MAST4: variants seen among roughly 807,000 people sequenced by gnomAD.
The protein encoded by MAST4 is microtubule associated serine/threonine kinase family member 4.
A neutral mutation model predicts 162.7 loss-of-function variants in MAST4; 89 were observed. The observed-to-expected ratio is 0.55, with a 90% CI of 0.46 to 0.65. The LOEUF (loss-of-function observed/expected upper bound fraction) is 0.65, where lower values mean the gene tolerates loss of function less well. MAST4 is among the 30% of genes least tolerant of loss of function. The probability of loss-of-function intolerance (pLI) is 0.00; values close to 1 mark genes in which losing one functional copy is unlikely to be tolerated. For synonymous variants in MAST4, 1,479 were observed against 1,361.1 expected (o/e 1.09, Z -1.91); for missense variants, 3,153 against 3,374.0 (o/e 0.93, Z 1.62).
At chr5:66,826,915 C>CT (rs1337335149) in intron 3 of MAST4, among the ~76,000 whole-genome samples, 2 of 152,206 alleles carry the variant, frequency 1.3e-5, no homozygotes, top group Non-Finnish European at 2.9e-5. Context: ...ACTTTCTGTG[C>CT]TCCTCTCTCA....
intron 3 of MAST4, among the ~76,000 whole-genome samples, chr5:66,794,499 G>A (rs1281971493): frequency 6.6e-6 from 1 of 152,202 alleles, no homozygotes; most frequent in Non-Finnish European, 1.5e-5. Flanking sequence ...AGATTGTGAG[G>A]TAGCTTTAGG....
At chr5:66,880,961 A>C (rs1263475781) in intron 3 of MAST4, among the ~76,000 whole-genome samples, 2 of 152,182 alleles carry the variant, frequency 1.3e-5, no homozygotes, top group Non-Finnish European at 2.9e-5. Context: ...TCCCTCCCAT[A>C]GATCTTGAAC....
chr5:67,039,018 ATATGT>A (rs766554601), intron 4 of MAST4, among the ~76,000 whole-genome samples: 49 of 152,326 alleles, frequency 3.2e-4, no homozygotes, highest in East Asian at 2.3e-3. Context: ...TTGAATGGAA[ATATGT>A]TATGACCACA....
chr5:67,071,504 G>A (rs928716038), intron 5 of MAST4, among the ~76,000 whole-genome samples: 11 of 151,964 alleles, frequency 7.2e-5, no homozygotes, highest in Non-Finnish European at 1.3e-4. Context: ...TGTAATCCCA[G>A]CACTTTGGAA....
chr5:66,683,666 C>T (rs1324314076), intron 1 of MAST4, among the ~76,000 whole-genome samples: 1 of 152,184 alleles, frequency 6.6e-6, no homozygotes, highest in African/African-American at 2.4e-5. Context: ...CGGATACATA[C>T]AGATGACCTG....
intron 11 of MAST4, among the ~76,000 whole-genome samples, chr5:67,112,217 A>G (rs948179238): frequency 6.6e-6 from 1 of 152,230 alleles, no homozygotes; most frequent in Admixed American, 6.5e-5. Flanking sequence ...AATTGTTTAC[A>G]ACACATAAAT....
intron 1 of MAST4, among the ~76,000 whole-genome samples, chr5:66,648,620 C>T (rs1163890687): frequency 2.0e-5 from 3 of 152,078 alleles, no homozygotes; most frequent in Non-Finnish European, 4.4e-5. Context: ...TATTTCATTG[C>T]AGACTAACAA....
At chr5:66,653,454 G>A (rs939972276) in intron 1 of MAST4, among the ~76,000 whole-genome samples, 3 of 152,164 alleles carry the variant, frequency 2.0e-5, no homozygotes, top group Non-Finnish European at 2.9e-5. Context: ...GTGCCAGCAT[G>A]ACATTGCCTA....
chr5:66,767,215 G>GTA, intron 2 of MAST4, among the ~76,000 whole-genome samples: 1 of 144,558 alleles, frequency 6.9e-6, no homozygotes, highest in South Asian at 2.2e-4. Context: ...GTGTGTGTGT[G>GTA]TGGTGCTAGG....
chr5:66,751,941 A>C (rs1753202228), intron 1 of MAST4, among the ~76,000 whole-genome samples: 1 of 151,118 alleles, frequency 6.6e-6, no homozygotes, highest in South Asian at 2.1e-4. Context: ...CTAACAGCGG[A>C]TCTCTGGGCA....
At chr5:66,891,227 C>G (rs79260169) in intron 3 of MAST4, among the ~76,000 whole-genome samples, 1,827 of 152,204 alleles carry the variant, frequency 0.012, 38 homozygotes, top group African/African-American at 0.042. Flanking sequence ...CTGAATGGTA[C>G]CCTGTCCTGA....
Position 66,963,890 on chromosome 5 carries a change from C to T in MAST4, c.674+63908C>T, listed in dbSNP as rs73768755. On this transcript the variant is annotated intron_variant, in intron 4 of 28. Transcript: ENST00000403625. Reference sequence around the variant, plus strand: ...TTCAGACTCTGCAATCCACAATCCACAGGGTGAGGAAACTGGTTGAATTGT... The same window carrying T: ...TTCAGACTCTGCAATCCACAATCCATAGGGTGAGGAAACTGGTTGAATTGT... 0.011 allele frequency: 8,308 copies of T among 767,314 alleles called. 427 individuals are homozygous for T. In the African/African-American group the frequency reaches 0.12, roughly 11 times the overall value. 47.5% of individuals were successfully genotyped at this position (767,314 alleles called of 1,614,324 possible). A position where few individuals can be genotyped will look rare whatever the true frequency, so the allele number is the denominator to read the frequency against.
chr5:67,139,744 C>A (rs1770131818), intron 19 of MAST4, among the ~76,000 whole-genome samples: 1 of 152,260 alleles, frequency 6.6e-6, no homozygotes, highest in East Asian at 1.9e-4. Flanking sequence ...ATTTTTAGCT[C>A]ACGATGCTAT....
rs189858966 is a variant in MAST4, at chr5:67,057,058, A to G, written c.763+2566A>G. ...AACATGTTGTTGTTCTCTCAGAGGC[A>G]GTGGAAGCCTGTCAGACTTTCTGTG... On this transcript the variant is annotated intron_variant, in intron 5 of 28. Coordinates refer to ENST00000403625, the MANE Select transcript of MAST4 (RefSeq NM_001164664.2). 1.6e-4 allele frequency among the ~76,000 whole-genome samples: 25 copies of G among 152,246 alleles called. No homozygotes were observed. In the East Asian group the frequency reaches 3.9e-3, roughly 23 times the overall value.
chr5:66,877,603 C>A (rs1001161406), intron 3 of MAST4, among the ~76,000 whole-genome samples: 1 of 151,988 alleles, frequency 6.6e-6, no homozygotes, highest in Non-Finnish European at 1.5e-5. Flanking sequence ...GATGGTACCA[C>A]CGGCACGGGC....
At chr5:66,967,909 C>T (rs985298671) in intron 4 of MAST4, among the ~76,000 whole-genome samples, 2 of 152,068 alleles carry the variant, frequency 1.3e-5, no homozygotes, top group African/African-American at 4.8e-5. Flanking sequence ...TTTCTCATGA[C>T]CCCCAGTACT....
intron 12 of MAST4, among the ~76,000 whole-genome samples, 154 bp from the exon 13 acceptor site, chr5:67,118,528 C>A (rs7722160): frequency 1.2e-4 from 18 of 152,070 alleles, no homozygotes; most frequent in Non-Finnish European, 1.9e-4. Context: ...CCAATTGCTG[C>A]CTTTTTTTAG....
At chr5:66,681,330 G>A (rs1748316100) in intron 1 of MAST4, among the ~76,000 whole-genome samples, 1 of 152,166 alleles carries the variant, frequency 6.6e-6, no homozygotes, top group African/African-American at 2.4e-5. Context: ...AGATCTCCCA[G>A]TACTACTACT....
chr5:66,763,486 A>C (rs555340642), intron 2 of MAST4, among the ~76,000 whole-genome samples: 2 of 152,352 alleles, frequency 1.3e-5, no homozygotes, highest in South Asian at 4.1e-4. Flanking sequence ...ATAAAGCAGT[A>C]CCATTTATAA....
Sources: gnomAD v4.1 joint callset for allele counts (sites outside exome capture counted in the v4.1 genomes callset) on GRCh38, gnomAD v4.1.1 for gene constraint, MANE v1.5 for transcripts, NCBI Gene and HGNC (gene_info 2026-07-23, HGNC 2026-07-21) for gene names.